The following MYH7B variants were observed in gnomAD, a reference collection of about 807,000 sequenced individuals.
MYH7B encodes myosin-7B.
Under a neutral mutation model 234.5 loss-of-function variants are expected in MYH7B, and 205 were observed. That is an observed-to-expected ratio of 0.87 (90% CI 0.78 to 0.98). The LOEUF (loss-of-function observed/expected upper bound fraction) is 0.98, where lower values mean the gene tolerates loss of function less well. Among genes scored for constraint, MYH7B ranks in the 50% least tolerant of loss-of-function variants. MYH7B has a pLI of 0.00. For missense variants in MYH7B, 2,652 were observed against 2,633.4 expected, an observed-to-expected ratio of 1.01 and a Z score of -0.15; for synonymous variants, 1,193 against 1,105.0, an observed-to-expected ratio of 1.08 and a Z score of -1.58.
Position 34,994,843 on chromosome 20 carries a change from C to T in MYH7B, c.2700+442C>T, listed in dbSNP as rs142479882. On this transcript the variant is annotated intron_variant, in intron 27 of 44. Transcript: ENST00000262873. ...TTGTGTATCAATTGTGTGCCAGGCT[C>T]AGGCTAGTGCAGGAGGAACGTTGGT... 4.9e-3 allele frequency among the ~76,000 whole-genome samples: 749 copies of T among 152,374 alleles called. 4 individuals carry two copies. The highest frequency in any genetic ancestry group is 8.6e-3 in the Admixed American group (131 of 15,310).
At chr20:34,960,005 G>A (rs1482463878) in intron 2 of MYH7B, among the ~76,000 whole-genome samples, 1 of 152,262 alleles carries the variant, frequency 6.6e-6, no homozygotes, top group African/African-American at 2.4e-5. Flanking sequence ...GTCAGCCATG[G>A]TGTTCCCACA....
intron 13 of MYH7B, 93 bp downstream of exon 13, chr20:34,985,222 C>A: frequency 8.0e-7 from 1 of 1,242,672 alleles, no homozygotes; most frequent in Non-Finnish European, 1.2e-6. Context: ...TGGGCTCCTG[C>A]CTGCTCTGGG....
chr20:34,957,171 C>T (rs1569022717), intron 1 of MYH7B, among the ~76,000 whole-genome samples: 1 of 152,208 alleles, frequency 6.6e-6, no homozygotes, highest in Non-Finnish European at 1.5e-5. Flanking sequence ...TGCAACAGGA[C>T]TTAGGCGCTT....
At chr20:34,993,681 C>T (rs1202178985) in intron 26 of MYH7B, among the ~76,000 whole-genome samples, 6 of 152,232 alleles carry the variant, frequency 3.9e-5, no homozygotes, top group African/African-American at 1.4e-4. Flanking sequence ...AGGACATCAG[C>T]GTGTGGCCCG....
exon 45 of MYH7B, chr20:35,002,286 TGCCTTCA>T: frequency 7.3e-7 from 1 of 1,378,516 alleles, no homozygotes; most frequent in Non-Finnish European, 9.7e-7. Flanking sequence ...CGCCCCCTGC[TGCCTTCA>T]GCCTTCCCTG....
In MYH7B at chr20:35,002,339, ATTC is replaced by A. The variant is rs1289588768; in HGVS notation, c.*154_*156del. 5.3e-5 allele frequency: 45 copies of A among 850,426 alleles called. No individual in the cohort carries two copies. In the East Asian group the frequency reaches 1.3e-3, roughly 24 times the overall value. The allele number at this position is 850,426 out of a possible 1,614,324, so 52.7% of individuals were successfully genotyped here. On this transcript the variant is annotated 3_prime_UTR_variant, in exon 45 of 45. Coordinates refer to ENST00000262873, the Ensembl canonical transcript of MYH7B. ...AAACACCACAGCCAGTTTCCTTCTC[ATTC>A]TTTTCTTTGGGGTTCAGGAGGAAAA...
intron 36 of MYH7B, 41 bp from the exon 37 acceptor site, chr20:34,999,530 C>CT (rs767264964): frequency 1.9e-6 from 3 of 1,556,642 alleles, no homozygotes; most frequent in Non-Finnish European, 2.6e-6. Context: ...GGTGGGAGTA[C>CT]AAGCCATGGG....
exon 18 of MYH7B, chr20:34,987,770 G>T (rs749673330): frequency 6.2e-7 from 1 of 1,614,226 alleles, no homozygotes; most frequent in South Asian, 1.1e-5. Flanking sequence ...TCCAGGTGGT[G>T]TTTGCTGTGG....
chr20:34,985,919 A>G (rs1022061032), intron 13 of MYH7B, among the ~76,000 whole-genome samples, 181 bp from the exon 14 acceptor site: 1 of 152,184 alleles, frequency 6.6e-6, no homozygotes. Flanking sequence ...ACACAGGTAC[A>G]GACACACGGC....
At chr20:34,997,159 A>T (rs762266341) in exon 31 of MYH7B, 1 of 1,549,802 alleles carries the variant, frequency 6.5e-7, no homozygotes, top group South Asian at 1.2e-5. Context: ...GCAGAAGAAG[A>T]TCAAGGAGCT....
rs551440446 is a variant in MYH7B at position 34,998,708 on chromosome 20, T to C, written c.3994-11T>C. On this transcript the variant is annotated splice_polypyrimidine_tract_variant and intron_variant, in intron 34 of 44. Coordinates refer to ENST00000262873, the Ensembl canonical transcript of MYH7B. ...GCTGCACTAACGCTGAGGTCACTGG[T>C]GTCCCTGCAGGCCAAGAGTGCCCTG... The C allele has an allele frequency of 1.2e-6, 2 of 1,611,334 alleles. No homozygotes were observed. Among genetic ancestry groups the C allele is most frequent in the African/African-American group, 1.3e-5 (1 of 75,038 alleles).
At chr20:34,981,056 A>G (rs1224539201) in exon 9 of MYH7B, 1 of 1,613,938 alleles carries the variant, frequency 6.2e-7, no homozygotes, top group East Asian at 2.2e-5. Flanking sequence ...GTCCATGCTG[A>G]TCACGTGAGT....
At chr20:34,972,666 G>A (rs572679419) in intron 2 of MYH7B, among the ~76,000 whole-genome samples, 1 of 152,256 alleles carries the variant, frequency 6.6e-6, no homozygotes, top group South Asian at 2.1e-4. Context: ...TCTTGTTCCT[G>A]TTGCCCACGC....
chr20:34,978,196 G>T, intron 5 of MYH7B, 100 bp downstream of exon 5: 1 of 1,421,482 alleles, frequency 7.0e-7, no homozygotes, highest in Non-Finnish European at 9.7e-7. Flanking sequence ...GGCTGAAGGG[G>T]CATTGGGGCC....
intron 7 of MYH7B, 147 bp downstream of exon 7, chr20:34,979,951 G>C (rs1340707392): frequency 3.3e-6 from 3 of 907,912 alleles, no homozygotes; most frequent in Admixed American, 2.5e-5. Context: ...GTCCATAGCG[G>C]GGGTGGGGCT....
intron 2 of MYH7B, among the ~76,000 whole-genome samples, chr20:34,970,923 G>A (rs1481409464): frequency 1.3e-5 from 2 of 152,166 alleles, no homozygotes; most frequent in Non-Finnish European, 2.9e-5. Context: ...GAGGGCAGAC[G>A]CAGGGCCTGA....
intron 2 of MYH7B, among the ~76,000 whole-genome samples, chr20:34,972,340 T>A (rs534255538): frequency 6.6e-6 from 1 of 151,950 alleles, no homozygotes; most frequent in Non-Finnish European, 1.5e-5. Context: ...CTGTTCCTTC[T>A]GCTTGGAATA....
rs1460305863 is a variant in MYH7B at position 35,001,416 on chromosome 20, C to T, written c.5581-15C>T. The T allele has an allele frequency of 6.3e-7, 1 of 1,594,786 alleles. No individual in the cohort carries two copies. Among genetic ancestry groups the T allele is most frequent in the Middle Eastern group, 1.7e-4 (1 of 6,038 alleles). On this transcript the variant is annotated splice_polypyrimidine_tract_variant and intron_variant, in intron 42 of 44. Transcript: ENST00000262873. ...CCCAGCCCAAGCAAGCCCTGAGTCC[C>T]CCTTGCCCGCCCAGGCCGAGGAGGA...
intron 10 of MYH7B, among the ~76,000 whole-genome samples, chr20:34,983,646 G>A (rs1241517344): frequency 6.6e-6 from 1 of 152,170 alleles, no homozygotes; most frequent in East Asian, 1.9e-4. Context: ...AGGAGCCATG[G>A]CTGCAGGAAC....
Sources: gnomAD v4.1 joint callset for allele counts (sites outside exome capture counted in the v4.1 genomes callset) on GRCh38, gnomAD v4.1.1 for gene constraint, MANE v1.5 for transcripts, NCBI Gene and HGNC (gene_info 2026-07-23, HGNC 2026-07-21) for gene names.